The following RAB3C variants were observed in gnomAD, a reference collection of about 807,000 sequenced individuals.
The protein encoded by RAB3C is ras-related protein Rab-3C.
In RAB3C, 17 loss-of-function variants were observed where a neutral mutation model predicts 26.4. That is an observed-to-expected ratio of 0.64 (90% CI 0.44 to 0.97). RAB3C has a LOEUF of 0.97. Among genes scored for constraint, RAB3C ranks in the 50% least tolerant of loss-of-function variants. The pLI is 0.00. For missense variants in RAB3C, 242 were observed against 281.9 expected, an observed-to-expected ratio of 0.86 and a Z score of 1.01; for synonymous variants, 91 against 95.9, an observed-to-expected ratio of 0.95 and a Z score of 0.30.
rs374584777 is a variant in RAB3C at position 58,669,856 on chromosome 5, A to G, written c.252+51986A>G. Among the ~76,000 whole-genome samples the G allele has an allele frequency of 3.3e-5, 5 of 152,288 alleles. No homozygotes were observed. In the East Asian group the frequency reaches 9.6e-4, roughly 29 times the overall value. On this transcript the variant is annotated intron_variant, in intron 2 of 4. Coordinates refer to ENST00000282878, the MANE Select transcript of RAB3C (RefSeq NM_138453.4). ...AAGAACTCATCATCCAGTTCCCATC[A>G]AAGATGAACTCTTCACATATCTTTT...
chr5:58,694,510 C>T (rs898636774), intron 2 of RAB3C, among the ~76,000 whole-genome samples: 13 of 152,230 alleles, frequency 8.5e-5, no homozygotes, highest in Non-Finnish European at 1.0e-4. Context: ...AATCACCACA[C>T]TGTCTTCCAC....
chr5:58,812,312 C>T (rs530214285), intron 3 of RAB3C, among the ~76,000 whole-genome samples: 15 of 152,252 alleles, frequency 9.9e-5, no homozygotes, highest in African/African-American at 2.9e-4. Context: ...CCAGTCCCTG[C>T]TCCTCATTCC....
intron 4 of RAB3C, among the ~76,000 whole-genome samples, chr5:58,846,309 G>C (rs1744000265): frequency 6.6e-6 from 1 of 152,142 alleles, no homozygotes; most frequent in South Asian, 2.1e-4. Flanking sequence ...CAAGGAGCCT[G>C]TTAAAAATGC....
chr5:58,582,953 G>C, upstream of RAB3C: 1 of 951,394 alleles, frequency 1.1e-6, no homozygotes, highest in East Asian at 2.9e-5. Flanking sequence ...CTTGCTTGCC[G>C]GGAGTTGTAG....
intron 1 of RAB3C, among the ~76,000 whole-genome samples, chr5:58,606,937 A>T (rs1746586640): frequency 6.6e-6 from 1 of 152,240 alleles, no homozygotes; most frequent in African/African-American, 2.4e-5. Flanking sequence ...CCAAAGGTAG[A>T]TAAAACCACA....
At chr5:58,760,897 A>G (rs1375462904) in intron 3 of RAB3C, among the ~76,000 whole-genome samples, 2 of 152,206 alleles carry the variant, frequency 1.3e-5, no homozygotes, top group Non-Finnish European at 2.9e-5. Context: ...AGTGGAGTCT[A>G]TTTGCTGATG....
intron 2 of RAB3C, among the ~76,000 whole-genome samples, chr5:58,630,862 A>G (rs543160349): frequency 6.6e-6 from 1 of 152,260 alleles, no homozygotes; most frequent in South Asian, 2.1e-4. Flanking sequence ...CACAAGGGGC[A>G]CTTCTTTATA....
At chr5:58,626,925 G>T (rs1747064173) in intron 2 of RAB3C, among the ~76,000 whole-genome samples, 3 of 152,110 alleles carry the variant, frequency 2.0e-5, no homozygotes, top group South Asian at 4.1e-4. Flanking sequence ...ATATTGACAA[G>T]GTGGCATATC....
At chr5:58,705,924 C>A (rs1488399652) in intron 2 of RAB3C, among the ~76,000 whole-genome samples, 1 of 152,148 alleles carries the variant, frequency 6.6e-6, no homozygotes, top group East Asian at 1.9e-4. Context: ...GTTGCCCAGT[C>A]CACCACCCCT....
chr5:58,697,537 A>G (rs1398412620), intron 2 of RAB3C, among the ~76,000 whole-genome samples: 1 of 152,108 alleles, frequency 6.6e-6, no homozygotes, highest in Non-Finnish European at 1.5e-5. Flanking sequence ...AAAGTCTCCC[A>G]TTATTATTGT....
intron 2 of RAB3C, among the ~76,000 whole-genome samples, chr5:58,635,439 A>C (rs292984): frequency 0.76 from 116,230 of 152,054 alleles, 44,573 homozygotes; most frequent in East Asian, 0.84. Context: ...CTCCAAAAAA[A>C]CCCTTTTTAA....
intron 1 of RAB3C, among the ~76,000 whole-genome samples, chr5:58,613,019 A>G (rs1300923412): frequency 6.6e-6 from 1 of 152,040 alleles, no homozygotes; most frequent in African/African-American, 2.4e-5. Flanking sequence ...TACAGTTTAG[A>G]TTTGTGAGTG....
At chr5:58,700,884 T>G (rs1440920353) in intron 2 of RAB3C, among the ~76,000 whole-genome samples, 1 of 152,192 alleles carries the variant, frequency 6.6e-6, no homozygotes, top group Non-Finnish European at 1.5e-5. Flanking sequence ...AATGCTATGG[T>G]AACATTGTCA....
At chr5:58,665,381 T>C (rs968566596) in intron 2 of RAB3C, among the ~76,000 whole-genome samples, 2 of 152,178 alleles carry the variant, frequency 1.3e-5, no homozygotes, top group Non-Finnish European at 2.9e-5. Flanking sequence ...AAAAATGTTT[T>C]GCGTGCAAAT....
At chr5:58,596,865 T>TATAATACATAATATATAA (rs1439877411) in intron 1 of RAB3C, among the ~76,000 whole-genome samples, 2 of 61,724 alleles carry the variant, frequency 3.2e-5, no homozygotes, top group Non-Finnish European at 5.8e-5. Context: ...ATATATAATA[T>TATAATACATAATATATAA]TATATTTAAT....
chr5:58,715,673 A>G (rs1309401018), intron 2 of RAB3C, among the ~76,000 whole-genome samples: 3 of 152,142 alleles, frequency 2.0e-5, no homozygotes, highest in Non-Finnish European at 4.4e-5. Context: ...AAGGTTTCCT[A>G]GTAAGCGGAC....
At chr5:58,802,328 C>A (rs1742827261) in intron 3 of RAB3C, among the ~76,000 whole-genome samples, 2 of 152,180 alleles carry the variant, frequency 1.3e-5, no homozygotes, top group South Asian at 4.1e-4. Flanking sequence ...CAAAGGAAGA[C>A]AAAGACCCTC....
rs1303316438 is a variant in RAB3C at position 58,612,514 on chromosome 5, G to A, written c.25-5129G>A. ...TGTGTGTGTGTGTGTGTGTGTGTGT[G>A]TGTGTGTATATATATATATATATAT... On this transcript the variant is annotated intron_variant, in intron 1 of 4. Transcript: ENST00000282878. 4.1e-4 allele frequency among the ~76,000 whole-genome samples: 22 copies of A among 54,090 alleles called. 1 individual carries two copies. Among genetic ancestry groups the A allele is most frequent in the African/African-American group, 1.2e-3 (14 of 11,764 alleles). 35.5% of individuals were successfully genotyped at this position (54,090 alleles called of 152,430 possible).
chr5:58,583,963 A>G (rs1289570982), intron 1 of RAB3C, among the ~76,000 whole-genome samples: 1 of 152,242 alleles, frequency 6.6e-6, no homozygotes, highest in Non-Finnish European at 1.5e-5. Context: ...CTGCCTAAGC[A>G]TCTTGCTTAA....
Sources: gnomAD v4.1 joint callset for allele counts (sites outside exome capture counted in the v4.1 genomes callset) on GRCh38, gnomAD v4.1.1 for gene constraint, MANE v1.5 for transcripts, NCBI Gene and HGNC (gene_info 2026-07-23, HGNC 2026-07-21) for gene names.